Variants in BARD1 observed in about 807,000 individuals in gnomAD.
BARD1 encodes the protein BRCA1 associated RING domain 1.
BARD1 carries 73 observed loss-of-function variants against 77.0 expected under a neutral mutation model. The observed-to-expected ratio is 0.95, with a 90% CI of 0.79 to 1.15. BARD1 has a LOEUF of 1.15. Ranked by LOEUF, BARD1 falls within the 50% of genes most tolerant of loss-of-function variation. BARD1 has a pLI of 0.00. For synonymous variants in BARD1, 384 were observed against 338.0 expected, an observed-to-expected ratio of 1.14 and a Z score of -1.49; for missense variants, 993 against 938.8, an observed-to-expected ratio of 1.06 and a Z score of -0.75.
rs2105987367 is a variant in BARD1, at chr2:214,728,892, C to T, written c.2118G>A (p.Lys706=). 1.2e-6 allele frequency: 2 copies of T among 1,614,186 alleles called. No individual in the cohort carries two copies. Among genetic ancestry groups the T allele is most frequent in the Non-Finnish European group, 1.7e-6 (2 of 1,180,036 alleles). Residue 706 remains lysine, a synonymous_variant, in exon 11 of 11, where the codon AAG becomes AAA. Transcript: ENST00000260947. ...GAGTCACGTCACTGTCTGGCTTGGGCTTTCTACTGAGGATCTGGCCCCCAC... is the reference window on the plus strand; with the variant it reads ...GAGTCACGTCACTGTCTGGCTTGGGTTTTCTACTGAGGATCTGGCCCCCAC... The part of the protein sequence containing the change: ...TAGGGQILSR[K]PKPDSDVTQT...
At chr2:214,752,790 C>T (rs994681893) in intron 6 of BARD1, among the ~76,000 whole-genome samples, 2 of 152,104 alleles carry the variant, frequency 1.3e-5, no homozygotes, top group African/African-American at 4.8e-5. Context: ...GAATTTTTCA[C>T]AACTGTATTC....
intron 1 of BARD1, among the ~76,000 whole-genome samples, chr2:214,800,384 A>G (rs530275595): frequency 6.6e-6 from 1 of 152,182 alleles, no homozygotes; most frequent in African/African-American, 2.4e-5. Flanking sequence ...GCTGAGAGAG[A>G]AGGGAGTGCC....
intron 4 of BARD1, among the ~76,000 whole-genome samples, chr2:214,774,009 A>G (rs1219065678): frequency 6.6e-6 from 1 of 152,236 alleles, no homozygotes; most frequent in Non-Finnish European, 1.5e-5. Context: ...CACCAGAAGT[A>G]GATTCCATCT....
chr2:214,738,364 G>C (rs921293066), intron 9 of BARD1, among the ~76,000 whole-genome samples: 54 of 152,014 alleles, frequency 3.6e-4, no homozygotes, highest in African/African-American at 1.3e-3. Flanking sequence ...TTAACCCAAA[G>C]TCATTAAGGT....
chr2:214,746,171 T>C (rs778352649), intron 7 of BARD1, among the ~76,000 whole-genome samples: 1 of 152,186 alleles, frequency 6.6e-6, no homozygotes, highest in African/African-American at 2.4e-5. Flanking sequence ...TAACTTAAAA[T>C]ATCCACTTAA....
At position 214,727,336 on chromosome 2, in the gene BARD1, T is replaced by C. The variant is rs1424685337; in HGVS notation, c.*1340A>G. ...TCAGAGATTCTCACTATTTTAAAAC[T>C]AGGGATATTCTATTCTGGTAGTTAT... On this transcript the variant is annotated 3_prime_UTR_variant, in exon 11 of 11. Coordinates refer to ENST00000260947, the MANE Select transcript of BARD1 (RefSeq NM_000465.4). 1 of 231,754 alleles carries C rather than the reference T, an allele frequency of 4.3e-6. No individual in the cohort carries two copies. The highest frequency in any genetic ancestry group is 8.5e-6 in the Non-Finnish European group (1 of 117,234). 14.4% of individuals were successfully genotyped at this position (231,754 alleles called of 1,614,324 possible).
intron 6 of BARD1, among the ~76,000 whole-genome samples, chr2:214,758,360 T>C (rs1972957): frequency 0.44 from 67,501 of 152,034 alleles, 15,069 homozygotes; most frequent in South Asian, 0.5. Context: ...CTAGCATATA[T>C]GAACAGCTCA....
In BARD1 at chr2:214,783,258, G is replaced by C. The variant is rs1210207114; in HGVS notation, c.365-1749C>G. ...TGCAGCTCAAGCCTATGTTATTCAA[G>C]GGGCAACTGTAGTAAGTTTAAGGAA... is the stretch of plus-strand genomic sequence containing the variant. On this transcript the variant is annotated intron_variant, in intron 3 of 10. Transcript: ENST00000260947. 3.9e-5 allele frequency among the ~76,000 whole-genome samples: 6 copies of C among 152,136 alleles called. No individual in the cohort carries two copies. In the East Asian group the frequency reaches 1.2e-3, roughly 29 times the overall value.
chr2:214,799,330 CAT>C lies in BARD1; in HGVS notation c.159-2215_159-2214del, dbSNP rs539252677. Among the ~76,000 whole-genome samples the C allele has an allele frequency of 4.4e-3, 668 of 152,122 alleles. 8 individuals carry two copies. The highest frequency in any genetic ancestry group is 6.0e-3 in the Non-Finnish European group (407 of 67,974). ...ATATTAAAATAAAATAAAATAAAGACATAAAATTTATTTGGTAGCCTCTTCAT... is the reference window on the plus strand; with the variant it reads ...ATATTAAAATAAAATAAAATAAAGACAAAATTTATTTGGTAGCCTCTTCAT... On this transcript the variant is annotated intron_variant, in intron 1 of 10. Coordinates refer to ENST00000260947, the MANE Select transcript of BARD1 (RefSeq NM_000465.4).
chr2:214,774,233 CTGTTAA>C lies in BARD1; in HGVS notation c.1315-4927_1315-4922del, dbSNP rs530587524. On this transcript the variant is annotated intron_variant, in intron 4 of 10. Transcript: ENST00000260947. ...CTGTAATCAACTCTTTTCCAAACTA[CTGTTAA>C]TGTTAACATTTGGACATCCTCCCAT... 5.1e-3 allele frequency among the ~76,000 whole-genome samples: 784 copies of C among 152,306 alleles called. 8 individuals carry two copies. The highest frequency in any genetic ancestry group is 0.018 in the African/African-American group (734 of 41,564).
chr2:214,734,099 A>T (rs572945163), intron 9 of BARD1, among the ~76,000 whole-genome samples: 195 of 152,298 alleles, frequency 1.3e-3, no homozygotes, highest in African/African-American at 4.5e-3. Context: ...AAAAGCAAAG[A>T]TAATAGGTTT....
intron 5 of BARD1, among the ~76,000 whole-genome samples, chr2:214,768,795 T>A (rs1235360862): frequency 6.6e-6 from 1 of 152,260 alleles, no homozygotes; most frequent in African/African-American, 2.4e-5. Context: ...GCCTTATATA[T>A]CTACAATTGG....
chr2:214,791,117 A>G (rs1250094652), intron 3 of BARD1, among the ~76,000 whole-genome samples: 1 of 152,166 alleles, frequency 6.6e-6, no homozygotes, highest in Non-Finnish European at 1.5e-5. Flanking sequence ...ATGTGTGTGT[A>G]TAGTTACATC....
chr2:214,771,448 G>A (rs1465334125), intron 4 of BARD1, among the ~76,000 whole-genome samples: 1 of 151,440 alleles, frequency 6.6e-6, no homozygotes. Context: ...AAATTTTGCT[G>A]GCCAGACGTG....
chr2:214,774,066 A>C (rs1015356928), intron 4 of BARD1, among the ~76,000 whole-genome samples: 12 of 152,214 alleles, frequency 7.9e-5, no homozygotes, highest in Admixed American at 2.6e-4. Flanking sequence ...CGCCTCATCC[A>C]TTGAAGTTTG....
intron 9 of BARD1, among the ~76,000 whole-genome samples, chr2:214,735,949 A>G (rs1317765504): frequency 1.3e-5 from 2 of 151,960 alleles, no homozygotes; most frequent in African/African-American, 2.4e-5. Flanking sequence ...TTAATTTGTT[A>G]GTTTTATCTG....
chr2:214,800,472 G>C (rs1245673518), intron 1 of BARD1, among the ~76,000 whole-genome samples: 1 of 152,126 alleles, frequency 6.6e-6, no homozygotes, highest in Admixed American at 6.6e-5. Flanking sequence ...CAAGAGTTCA[G>C]GGCTATAGTG....
rs1692067249 is a variant in BARD1, at chr2:214,725,953, T to A, written c.*2723A>T. On this transcript the variant is annotated 3_prime_UTR_variant, in exon 11 of 11. Coordinates refer to ENST00000260947, the MANE Select transcript of BARD1 (RefSeq NM_000465.4). The stretch of plus-strand genomic sequence containing the variant: ...GCCCCACTCTCACCTGTGAATCGTC[T>A]TATTCCCACAGGAAACATCAAACCT... The A allele has an allele frequency of 4.4e-6, 1 of 226,456 alleles. No individual in the cohort carries two copies. The highest frequency in any genetic ancestry group is 2.2e-5 in the African/African-American group (1 of 45,006). 14.0% of individuals were successfully genotyped at this position (226,456 alleles called of 1,614,324 possible).
chr2:214,751,117 GTATATATA>G (rs1216095030), intron 7 of BARD1, among the ~76,000 whole-genome samples: 43 of 16,256 alleles, frequency 2.6e-3, no homozygotes, highest in South Asian at 6.4e-3. Context: ...GTGTGTGTGT[GTATATATA>G]TATATATATA....
Sources: gnomAD v4.1 joint callset for allele counts (sites outside exome capture counted in the v4.1 genomes callset) on GRCh38, gnomAD v4.1.1 for gene constraint, MANE v1.5 for transcripts, NCBI Gene and HGNC (gene_info 2026-07-23, HGNC 2026-07-21) for gene names.